Variants in FAM149B1 observed in about 807,000 individuals in gnomAD.
FAM149B1 encodes the protein primary cilium assembly protein FAM149B1.
In FAM149B1, 56 loss-of-function variants were observed where a neutral mutation model predicts 75.3. The observed-to-expected ratio is 0.74, with a 90% CI of 0.60 to 0.93. The LOEUF is 0.93. Ranked by LOEUF, FAM149B1 falls within the 40% of genes least tolerant of loss-of-function variation. The pLI is 0.00. For synonymous variants in FAM149B1, 259 were observed against 256.1 expected, an observed-to-expected ratio of 1.01 and a Z score of -0.11; for missense variants, 639 against 708.4, an observed-to-expected ratio of 0.90 and a Z score of 1.11.
intron 7 of FAM149B1, among the ~76,000 whole-genome samples, chr10:73,227,419 C>T (rs1589187342): frequency 6.6e-6 from 1 of 152,156 alleles, no homozygotes; most frequent in African/African-American, 2.4e-5. Context: ...TGCTCTTAGT[C>T]ATATTTTCTA....
intron 3 of FAM149B1, among the ~76,000 whole-genome samples, chr10:73,181,282 T>G (rs2042391238): frequency 6.6e-6 from 1 of 152,198 alleles, no homozygotes; most frequent in African/African-American, 2.4e-5. Context: ...GTGCTGGGAT[T>G]ATAGGCGTGA....
intron 7 of FAM149B1, 29 bp from the exon 8 acceptor site, chr10:73,228,031 T>A (rs751515620): frequency 3.9e-6 from 6 of 1,549,570 alleles, no homozygotes; most frequent in South Asian, 1.2e-5. Context: ...AGATTATCCA[T>A]GGATAATATA....
rs527711771 is a variant in FAM149B1, at chr10:73,174,847, T to G, written c.152+56T>G. On this transcript the variant is annotated intron_variant, in intron 2 of 13. Transcript: ENST00000242505. ...TTGCACTTGCTCATGGCAGAGGTTTTGTTTTTTGGCTTAAGATTGGTGTCA... is the reference window on the plus strand; with the variant it reads ...TTGCACTTGCTCATGGCAGAGGTTTGGTTTTTTGGCTTAAGATTGGTGTCA... 12 of 1,276,404 alleles carry G rather than the reference T, an allele frequency of 9.4e-6. 1 individual carries two copies. In the East Asian group the frequency reaches 1.8e-4, roughly 19 times the overall value. The allele number at this position is 1,276,404 out of a possible 1,614,324, so 79.1% of individuals were successfully genotyped here.
chr10:73,168,484 G>A, intron 1 of FAM149B1, 98 bp downstream of exon 1: 2 of 1,409,378 alleles, frequency 1.4e-6, no homozygotes, highest in Non-Finnish European at 9.6e-7. Flanking sequence ...CCCAGGGCTG[G>A]GGAGAGATTT....
At position 73,239,397 on chromosome 10, in the gene FAM149B1, C is replaced by T. The variant is rs2043894112; in HGVS notation, c.1675+13C>T. 1.3e-6 allele frequency: 2 copies of T among 1,548,418 alleles called. No homozygotes were observed. The highest frequency in any genetic ancestry group is 1.7e-6 in the Non-Finnish European group (2 of 1,144,138). On this transcript the variant is annotated intron_variant, in intron 13 of 13. Transcript: ENST00000242505. ...AGGGGATCTGCAGGTAAAGGTGGGG[C>T]CATGGCCCTTATTTACTACTGTGTG...
intron 5 of FAM149B1, among the ~76,000 whole-genome samples, chr10:73,199,041 C>T (rs879548374): frequency 1.3e-5 from 2 of 152,130 alleles, no homozygotes; most frequent in Non-Finnish European, 2.9e-5. Context: ...CAAATATAAA[C>T]TCTTTGTATA....
At chr10:73,200,420 G>T (rs2042906248) in intron 5 of FAM149B1, 3 of 610,126 alleles carry the variant, frequency 4.9e-6, no homozygotes, top group African/African-American at 1.8e-5. Flanking sequence ...TGCCTGCATT[G>T]GTGGAACAAA....
intron 11 of FAM149B1, 95 bp from the exon 12 acceptor site, chr10:73,235,098 G>C (rs2043792963): frequency 1.4e-6 from 2 of 1,459,710 alleles, no homozygotes; most frequent in African/African-American, 1.4e-5. Context: ...TGTTTGGCCT[G>C]CACTTACCAT....
At chr10:73,199,107 G>A (rs1408421822) in intron 5 of FAM149B1, among the ~76,000 whole-genome samples, 3 of 152,156 alleles carry the variant, frequency 2.0e-5, no homozygotes, top group African/African-American at 7.2e-5. Context: ...GAAGAATAAA[G>A]TTCTGTCACA....
At chr10:73,175,090 G>A (rs948223938) in intron 2 of FAM149B1, among the ~76,000 whole-genome samples, 1 of 152,124 alleles carries the variant, frequency 6.6e-6, no homozygotes, top group Non-Finnish European at 1.5e-5. Context: ...AGAACATGGA[G>A]CTTGGTACTT....
At chr10:73,236,802 A>G (rs1763725472) in intron 12 of FAM149B1, among the ~76,000 whole-genome samples, 1 of 148,390 alleles carries the variant, frequency 6.7e-6, no homozygotes, top group African/African-American at 2.5e-5. Context: ...TGCAGCCTCA[A>G]CCTCCTGGGC....
At chr10:73,188,768 AG>A in intron 3 of FAM149B1, among the ~76,000 whole-genome samples, 1 of 113,644 alleles carries the variant, frequency 8.8e-6, no homozygotes, top group African/African-American at 4.1e-5. Flanking sequence ...GAAGGAAGGA[AG>A]GAAGGAAGGA....
At chr10:73,221,131 T>A (rs902028910) in intron 7 of FAM149B1, among the ~76,000 whole-genome samples, 2 of 152,114 alleles carry the variant, frequency 1.3e-5, no homozygotes, top group Non-Finnish European at 2.9e-5. Flanking sequence ...AGAGGGAAAT[T>A]GAGAGGTACC....
chr10:73,199,673 T>C (rs2042888858), intron 5 of FAM149B1, among the ~76,000 whole-genome samples: 1 of 152,242 alleles, frequency 6.6e-6, no homozygotes, highest in Admixed American at 6.5e-5. Context: ...ACCCAGCCTA[T>C]TCCTTTGTTA....
chr10:73,189,873 T>C (rs2042638175), intron 3 of FAM149B1, among the ~76,000 whole-genome samples: 2 of 152,220 alleles, frequency 1.3e-5, no homozygotes, highest in South Asian at 4.1e-4. Flanking sequence ...CTCAGTAAAG[T>C]TGATTAAAAT....
chr10:73,212,854 T>C (rs1248486168), intron 7 of FAM149B1, among the ~76,000 whole-genome samples: 1 of 151,442 alleles, frequency 6.6e-6, no homozygotes, highest in Non-Finnish European at 1.5e-5. Context: ...ACTCTCTCTC[T>C]CTCTCTGTGT....
rs986828583 is a variant in FAM149B1, at chr10:73,168,136, A to G, written c.-204A>G. 3.5e-6 allele frequency: 2 copies of G among 577,528 alleles called. No homozygotes were observed. Among genetic ancestry groups the G allele is most frequent in the African/African-American group, 2.0e-5 (1 of 49,636 alleles). 35.8% of individuals were successfully genotyped at this position (577,528 alleles called of 1,614,324 possible). Reference sequence around the variant, plus strand: ...CCTTCGTCACTTCCGCCCCCGCGGCAAAGCAGGGAGGTCGGAGGACTGGAG... The same window carrying G: ...CCTTCGTCACTTCCGCCCCCGCGGCGAAGCAGGGAGGTCGGAGGACTGGAG... On this transcript the variant is annotated 5_prime_UTR_variant, in exon 1 of 14. Coordinates refer to ENST00000242505, the MANE Select transcript of FAM149B1 (RefSeq NM_173348.2).
chr10:73,237,898 TA>T (rs2043858128), intron 12 of FAM149B1, among the ~76,000 whole-genome samples: 1 of 152,194 alleles, frequency 6.6e-6, no homozygotes, highest in Admixed American at 6.5e-5. Context: ...TAAAAACATT[TA>T]ATTTTTGATT....
chr10:73,230,244 T>C (rs775955555), intron 8 of FAM149B1, 178 bp from the exon 9 acceptor site: 26 of 527,692 alleles, frequency 4.9e-5, no homozygotes, highest in Non-Finnish European at 7.9e-5. Flanking sequence ...GGAGGGACCC[T>C]ATCACATGGA....
Sources: gnomAD v4.1 joint callset for allele counts (sites outside exome capture counted in the v4.1 genomes callset) on GRCh38, gnomAD v4.1.1 for gene constraint, MANE v1.5 for transcripts, NCBI Gene and HGNC (gene_info 2026-07-23, HGNC 2026-07-21) for gene names.